Variants in ASCC3 observed in about 807,000 individuals in gnomAD.
The protein encoded by ASCC3 is activating signal cointegrator 1 complex subunit 3.
ASCC3 carries 158 observed loss-of-function variants against 256.3 expected under a neutral mutation model. The ratio of observed to expected loss-of-function variants is 0.62; its 90% CI spans 0.54 to 0.70. ASCC3 has a LOEUF of 0.70. Among genes scored for constraint, ASCC3 ranks in the 30% least tolerant of loss-of-function variants. The probability of loss-of-function intolerance (pLI) is 0.00; values close to 1 mark genes in which losing one functional copy is unlikely to be tolerated. For synonymous variants in ASCC3, 948 were observed against 883.4 expected, an observed-to-expected ratio of 1.07 and a Z score of -1.30; for missense variants, 2,259 against 2,626.0, an observed-to-expected ratio of 0.86 and a Z score of 3.05.
In ASCC3 at chr6:100,662,471, T is replaced by C. The variant is rs1342486425; in HGVS notation, c.2352A>G (p.Ala784=). ...LFPDGFSIHH[A]GMLRQDRNLV... ...AATTTCTGTCCTGCCGAAGCATTCC[T>C]GCATGATGAATACTAAAACCATCTG... The change falls in exon 15 of 42, where the codon GCA becomes GCG. Residue 784 remains alanine (A), a synonymous_variant. Transcript: ENST00000369162. 9.3e-6 allele frequency: 15 copies of C among 1,613,226 alleles called. No homozygotes were observed. Among genetic ancestry groups the C allele is most frequent in the Non-Finnish European group, 1.3e-5 (15 of 1,179,518 alleles).
intron 10 of ASCC3, among the ~76,000 whole-genome samples, chr6:100,731,741 A>G (rs1472503539): frequency 6.6e-6 from 1 of 152,198 alleles, no homozygotes; most frequent in Non-Finnish European, 1.5e-5. Context: ...TGCCCTTTGA[A>G]AGCAAAACCA....
In ASCC3 at chr6:100,805,899, A is replaced by G; in HGVS notation, c.802-19T>C. On this transcript the variant is annotated intron_variant, in intron 4 of 41. Coordinates refer to ENST00000369162, the MANE Select transcript of ASCC3 (RefSeq NM_006828.4). ...CAAATAGCTTATAAAAAGAGAAAAA[A>G]GTAACAAACATCAGTTATCTCAAAG... The G allele has an allele frequency of 3.1e-6, 5 of 1,608,440 alleles. No homozygotes were observed. Among genetic ancestry groups the G allele is most frequent in the Non-Finnish European group, 4.2e-6 (5 of 1,177,286 alleles).
intron 10 of ASCC3, among the ~76,000 whole-genome samples, chr6:100,763,535 A>G (rs1162448828): frequency 6.6e-6 from 1 of 152,182 alleles, no homozygotes; most frequent in African/African-American, 2.4e-5. Context: ...AGGTTTTGCA[A>G]AGCTTCGGGA....
intron 36 of ASCC3, among the ~76,000 whole-genome samples, chr6:100,560,490 T>C (rs180971548): frequency 3.0e-4 from 46 of 152,200 alleles, no homozygotes; most frequent in Admixed American, 1.1e-3. Flanking sequence ...TGAGCTTGTT[T>C]TACAAGCATA....
chr6:100,689,063 T>C (rs1367340410), intron 13 of ASCC3, among the ~76,000 whole-genome samples: 5 of 152,172 alleles, frequency 3.3e-5, no homozygotes, highest in African/African-American at 1.2e-4. Flanking sequence ...TAGCCATGTT[T>C]TTCACTTAGT....
intron 39 of ASCC3, among the ~76,000 whole-genome samples, chr6:100,513,183 C>A (rs1042489976): frequency 6.6e-6 from 1 of 152,078 alleles, no homozygotes; most frequent in Admixed American, 6.6e-5. Flanking sequence ...GTTCAGATTT[C>A]CCCAATTTTT....
At chr6:100,715,607 C>T (rs1021296536) in intron 12 of ASCC3, 74 bp from the exon 13 acceptor site, 5 of 1,294,028 alleles carry the variant, frequency 3.9e-6, no homozygotes, top group African/African-American at 1.5e-5. Flanking sequence ...AAAATTTTGC[C>T]AATTACAATG....
At chr6:100,597,809 G>GA (rs369974362) in intron 34 of ASCC3, among the ~76,000 whole-genome samples, 3,753 of 88,502 alleles carry the variant, frequency 0.042, 443 homozygotes, top group East Asian at 0.26. Flanking sequence ...CGTCTCTACT[G>GA]AAAAAAAAAA....
At chr6:100,841,852 A>G (rs1772159070) in intron 4 of ASCC3, among the ~76,000 whole-genome samples, 1 of 152,268 alleles carries the variant, frequency 6.6e-6, no homozygotes, top group African/African-American at 2.4e-5. Flanking sequence ...CAAGATAACT[A>G]CTCCAGAAAG....
At chr6:100,559,450 C>T (rs1160611101) in intron 36 of ASCC3, among the ~76,000 whole-genome samples, 2 of 152,182 alleles carry the variant, frequency 1.3e-5, no homozygotes, top group African/African-American at 4.8e-5. Context: ...AAAGAATGTA[C>T]AATAGGGCCT....
intron 4 of ASCC3, among the ~76,000 whole-genome samples, chr6:100,821,284 G>A (rs1044524509): frequency 6.6e-6 from 1 of 152,130 alleles, no homozygotes; most frequent in Non-Finnish European, 1.5e-5. Flanking sequence ...GCAAAGCGCT[G>A]GGATTATAGG....
At chr6:100,571,125 C>G (rs1422085194) in intron 36 of ASCC3, among the ~76,000 whole-genome samples, 1 of 152,116 alleles carries the variant, frequency 6.6e-6, no homozygotes, top group African/African-American at 2.4e-5. Flanking sequence ...GATGTCACCT[C>G]TGCCTCCTAG....
intron 4 of ASCC3, among the ~76,000 whole-genome samples, chr6:100,833,910 T>C (rs1771749924): frequency 1.3e-5 from 2 of 152,090 alleles, no homozygotes; most frequent in Admixed American, 1.3e-4. Flanking sequence ...AAACCCCATC[T>C]TTACTAAAAA....
At chr6:100,722,548 G>A (rs565016889) in intron 11 of ASCC3, among the ~76,000 whole-genome samples, 1 of 151,858 alleles carries the variant, frequency 6.6e-6, no homozygotes, top group Admixed American at 6.6e-5. Flanking sequence ...AAATCTAAGT[G>A]TAAGCAAGAA....
intron 36 of ASCC3, among the ~76,000 whole-genome samples, chr6:100,542,686 A>T (rs564567741): frequency 5.9e-5 from 9 of 152,188 alleles, no homozygotes; most frequent in African/African-American, 1.7e-4. Flanking sequence ...GTCAAAAAAA[A>T]AATAATAATA....
At position 100,848,141 on chromosome 6, in the gene ASCC3, A is replaced by T; in HGVS notation, c.801+7T>A. On this transcript the variant is annotated splice_region_variant and intron_variant, in intron 4 of 41. Coordinates refer to ENST00000369162, the MANE Select transcript of ASCC3 (RefSeq NM_006828.4). The stretch of plus-strand genomic sequence containing the variant: ...TAATATAAAAAAATAAATCATTTCA[A>T]CTATACCTCATCCTGAAGTTCATCA... 2 of 1,577,032 alleles carry T rather than the reference A, an allele frequency of 1.3e-6. No homozygotes were observed. The highest frequency in any genetic ancestry group is 1.7e-6 in the Non-Finnish European group (2 of 1,166,442).
chr6:100,749,503 A>T (rs976737393), intron 10 of ASCC3, among the ~76,000 whole-genome samples: 3 of 152,046 alleles, frequency 2.0e-5, no homozygotes, highest in Non-Finnish European at 4.4e-5. Flanking sequence ...AATACTGAAA[A>T]TAAAAGTCAC....
At chr6:100,834,519 T>C (rs1482972803) in intron 4 of ASCC3, among the ~76,000 whole-genome samples, 1 of 151,868 alleles carries the variant, frequency 6.6e-6, no homozygotes, top group African/African-American at 2.4e-5. Context: ...AAAACATATG[T>C]GGGAAAAATA....
In ASCC3 at chr6:100,808,434, T is replaced by G. The variant is rs149176519; in HGVS notation, c.802-2554A>C. Among the ~76,000 whole-genome samples, 623 of 152,036 alleles carry G rather than the reference T, an allele frequency of 4.1e-3. 5 individuals carry two copies. The highest frequency in any genetic ancestry group is 7.1e-3 in the Non-Finnish European group (479 of 67,860). On this transcript the variant is annotated intron_variant, in intron 4 of 41. Transcript: ENST00000369162. ...TAGTATCAAAAAAGAATATTAAAAA[T>G]TATTTGAAAACGCTTTTAAAATATT...
Sources: gnomAD v4.1 joint callset for allele counts (sites outside exome capture counted in the v4.1 genomes callset) on GRCh38, gnomAD v4.1.1 for gene constraint, MANE v1.5 for transcripts, NCBI Gene and HGNC (gene_info 2026-07-23, HGNC 2026-07-21) for gene names.